The following ANKHD1 variants were observed in gnomAD, a reference collection of about 807,000 sequenced individuals.
ANKHD1 encodes ankyrin repeat and KH domain-containing protein 1.
Under a neutral mutation model 230.5 loss-of-function variants are expected in ANKHD1, and 31 were observed. That is an observed-to-expected ratio of 0.13 (90% CI 0.10 to 0.18). The LOEUF (loss-of-function observed/expected upper bound fraction) is 0.18, where lower values mean the gene tolerates loss of function less well. Ranked by LOEUF, ANKHD1 falls within the 10% of genes least tolerant of loss-of-function variation. The pLI is 1.00. For synonymous variants in ANKHD1, 1,074 were observed against 1,117.6 expected (o/e 0.96, Z 0.78); for missense variants, 2,256 against 3,071.3 (o/e 0.73, Z 6.27).
intron 7 of ANKHD1, among the ~76,000 whole-genome samples, chr5:140,453,700 G>C (rs1320450094): frequency 6.6e-6 from 1 of 152,128 alleles, no homozygotes; most frequent in Non-Finnish European, 1.5e-5. Flanking sequence ...CCCTAAAAGA[G>C]CTCCTGAAGG....
At chr5:140,427,375 ACC>A (rs576926009) in intron 1 of ANKHD1, among the ~76,000 whole-genome samples, 5 of 42,090 alleles carry the variant, frequency 1.2e-4, no homozygotes, top group Admixed American at 2.7e-4. Context: ...CGGGGGGCTG[ACC>A]CCCCCCCACC....
At chr5:140,444,163 C>T (rs560505833) in intron 5 of ANKHD1, among the ~76,000 whole-genome samples, 2 of 136,166 alleles carry the variant, frequency 1.5e-5, no homozygotes, top group South Asian at 4.9e-4. Flanking sequence ...GCAGTAAGCA[C>T]ATGCTCTTTG....
At chr5:140,449,341 G>A in intron 7 of ANKHD1, 36 bp downstream of exon 7, 2 of 1,601,034 alleles carry the variant, frequency 1.2e-6, no homozygotes, top group Non-Finnish European at 8.5e-7. Context: ...GATTTTATGG[G>A]AAGAAAAGGT....
chr5:140,510,377 A>G (rs779404833), intron 22 of ANKHD1, among the ~76,000 whole-genome samples, 196 bp downstream of exon 22: 3 of 132,126 alleles, frequency 2.3e-5, no homozygotes, highest in East Asian at 2.4e-4. Context: ...CAGTGGCATG[A>G]TCGCGGCTCA....
At chr5:140,462,169 CTTT>C (rs1012056714) in intron 9 of ANKHD1, among the ~76,000 whole-genome samples, 23 of 144,526 alleles carry the variant, frequency 1.6e-4, no homozygotes, top group Non-Finnish European at 3.2e-4. Flanking sequence ...AGGTTTGATT[CTTT>C]TTTTTTTGTT....
Position 140,418,735 on chromosome 5 carries a change from T to C in ANKHD1, c.306+16462T>C, listed in dbSNP as rs182745148. Among the ~76,000 whole-genome samples the C allele has an allele frequency of 3.3e-3, 498 of 152,310 alleles. 1 individual carries two copies. Among genetic ancestry groups the C allele is most frequent in the Non-Finnish European group, 5.1e-3 (350 of 68,028 alleles). Reference sequence around the variant, plus strand: ...AATATTGTAGCAGGTATCAATACTTTTTGTTTTGCTTTTGAGTCCGAGTCT... The same window carrying C: ...AATATTGTAGCAGGTATCAATACTTCTTGTTTTGCTTTTGAGTCCGAGTCT... On this transcript the variant is annotated intron_variant, in intron 1 of 33. Coordinates refer to ENST00000360839, the MANE Select transcript of ANKHD1 (RefSeq NM_017747.3).
rs768931648 is a variant in ANKHD1, at chr5:140,537,596, T to A, written c.7228+7T>A. ...GGTGTCAATGCTGTGTCAGGTACAA[T>A]TGCCTTGCTCTCTCTCTGGAGGGAT... On this transcript the variant is annotated splice_region_variant and intron_variant, in intron 31 of 33. Coordinates refer to ENST00000360839, the MANE Select transcript of ANKHD1 (RefSeq NM_017747.3). 4 of 1,555,348 alleles carry A rather than the reference T, an allele frequency of 2.6e-6. No homozygotes were observed. Among genetic ancestry groups the A allele is most frequent in the Non-Finnish European group, 3.5e-6 (4 of 1,150,854 alleles).
intron 9 of ANKHD1, among the ~76,000 whole-genome samples, chr5:140,464,035 A>T (rs1775908676): frequency 6.6e-6 from 1 of 152,082 alleles, no homozygotes. Context: ...TGGGAGTTCA[A>T]GACCAGCCTG....
chr5:140,519,136 C>T (rs918846794), intron 24 of ANKHD1, among the ~76,000 whole-genome samples: 4 of 151,462 alleles, frequency 2.6e-5, no homozygotes, highest in Non-Finnish European at 5.9e-5. Flanking sequence ...TTCTTATACA[C>T]CAACAACAGA....
intron 1 of ANKHD1, among the ~76,000 whole-genome samples, chr5:140,408,542 T>C (rs1770664243): frequency 6.6e-6 from 1 of 152,192 alleles, no homozygotes; most frequent in Non-Finnish European, 1.5e-5. Flanking sequence ...TTTGTAGGGA[T>C]TCCTTTTTCC....
chr5:140,485,390 C>T lies in ANKHD1; in HGVS notation c.1998+142C>T. ...TAGGCAACATAAGGAGACCCCATCT[C>T]TATTAAAACACACACACACACACAC... is the stretch of plus-strand genomic sequence containing the variant. On this transcript the variant is annotated intron_variant, in intron 12 of 33. Coordinates refer to ENST00000360839, the MANE Select transcript of ANKHD1 (RefSeq NM_017747.3). The surrounding 1 kb of genome is among the most constrained non-coding windows in gnomAD (Gnocchi z 4.8). The T allele has an allele frequency of 2.2e-6, 1 of 458,724 alleles. No homozygotes were observed. Among genetic ancestry groups the T allele is most frequent in the Admixed American group, 8.4e-5 (1 of 11,848 alleles). 28.4% of individuals were successfully genotyped at this position (458,724 alleles called of 1,614,324 possible). A position where few individuals can be genotyped will look rare whatever the true frequency, so the allele number is the denominator to read the frequency against.
At chr5:140,448,982 T>C (rs1235393162) in intron 6 of ANKHD1, among the ~76,000 whole-genome samples, 2 of 152,220 alleles carry the variant, frequency 1.3e-5, no homozygotes, top group Non-Finnish European at 2.9e-5. Flanking sequence ...TAACTTGAAT[T>C]ATGTGCCTTG....
intron 1 of ANKHD1, among the ~76,000 whole-genome samples, chr5:140,402,964 C>CTTTTT (rs56939861): frequency 6.8e-5 from 5 of 73,944 alleles, no homozygotes; most frequent in East Asian, 4.4e-4. Flanking sequence ...GAAACCTCTT[C>CTTTTT]TTTTTTTTTT....
chr5:140,517,017 C>A (rs1274403678), intron 24 of ANKHD1, among the ~76,000 whole-genome samples: 5 of 150,672 alleles, frequency 3.3e-5, no homozygotes, highest in Non-Finnish European at 7.4e-5. Context: ...GAGTCAAGAC[C>A]CATCAGTGTG....
Position 140,437,112 on chromosome 5 carries a change from G to A in ANKHD1, c.460+855G>A, listed in dbSNP as rs1030747457. On this transcript the variant is annotated intron_variant, in intron 2 of 33. Coordinates refer to ENST00000360839, the MANE Select transcript of ANKHD1 (RefSeq NM_017747.3). ...AACATACATGATTGTTATAAATGAA[G>A]TAGGAATAATACACAAAATACAATT... Among the ~76,000 whole-genome samples the A allele has an allele frequency of 9.2e-5, 14 of 152,266 alleles. No homozygotes were observed. The East Asian group carries it at 2.3e-3, about 25-fold the overall frequency.
At chr5:140,451,100 T>C (rs919415375) in intron 7 of ANKHD1, among the ~76,000 whole-genome samples, 1 of 151,978 alleles carries the variant, frequency 6.6e-6, no homozygotes, top group African/African-American at 2.4e-5. Context: ...TGCAGTGAGC[T>C]GAGATCACAC....
intron 7 of ANKHD1, among the ~76,000 whole-genome samples, chr5:140,454,986 AAGAG>A (rs1263953216): frequency 5.6e-5 from 1 of 17,928 alleles, no homozygotes; most frequent in Admixed American, 6.5e-4. Flanking sequence ...AATAAAGAAG[AAGAG>A]AGAAGAATCA....
chr5:140,475,756 T>G (rs1750932035), intron 10 of ANKHD1, among the ~76,000 whole-genome samples: 1 of 152,216 alleles, frequency 6.6e-6, no homozygotes, highest in Admixed American at 6.5e-5. Flanking sequence ...AGAGCCAGAC[T>G]GAGGGAACTT....
chr5:140,406,260 T>C (rs1770436053), intron 1 of ANKHD1, among the ~76,000 whole-genome samples: 1 of 151,862 alleles, frequency 6.6e-6, no homozygotes, highest in Non-Finnish European at 1.5e-5. Context: ...AAATAAATTA[T>C]TTTAGAAACA....
Sources: gnomAD v4.1 joint callset for allele counts (sites outside exome capture counted in the v4.1 genomes callset) on GRCh38, gnomAD v4.1.1 for gene constraint, Gnocchi (gnomAD v3.1) non-coding constraint, MANE v1.5 for transcripts, NCBI Gene and HGNC (gene_info 2026-07-23, HGNC 2026-07-21) for gene names.